The following RUNX1T1 variants were observed in gnomAD, a reference collection of about 807,000 sequenced individuals.
RUNX1T1 encodes the protein RUNX1 partner transcriptional co-repressor 1, also known as protein CBFA2T1.
Under a neutral mutation model 62.8 loss-of-function variants are expected in RUNX1T1, and 4 were observed. The ratio of observed to expected loss-of-function variants is 0.06; its 90% CI spans 0.03 to 0.15. The LOEUF (loss-of-function observed/expected upper bound fraction) is 0.15, where lower values mean the gene tolerates loss of function less well. Ranked by LOEUF, RUNX1T1 falls within the 10% of genes least tolerant of loss-of-function variation. RUNX1T1 has a pLI of 1.00. For missense variants in RUNX1T1, 508 were observed against 754.3 expected, an observed-to-expected ratio of 0.67 and a Z score of 3.82; for synonymous variants, 291 against 286.0, an observed-to-expected ratio of 1.02 and a Z score of -0.18.
intron 10 of RUNX1T1, among the ~76,000 whole-genome samples, chr8:91,965,022 T>C (rs73696982): frequency 2.6e-3 from 392 of 152,316 alleles, no homozygotes; most frequent in African/African-American, 8.9e-3. Flanking sequence ...ATGATGTTCA[T>C]AGGTCCTGAA....
chr8:92,066,254 C>T (rs1832857818), upstream of RUNX1T1, among the ~76,000 whole-genome samples: 1 of 152,220 alleles, frequency 6.6e-6, no homozygotes, highest in Non-Finnish European at 1.5e-5. Flanking sequence ...GACCCTTCCA[C>T]AAAGTGGCAC....
At chr8:91,961,366 G>C (rs951496291) in intron 10 of RUNX1T1, among the ~76,000 whole-genome samples, 3 of 152,220 alleles carry the variant, frequency 2.0e-5, no homozygotes, top group Non-Finnish European at 4.4e-5. Flanking sequence ...GAGCTGCTCT[G>C]CTGCTCCTGT....
chr8:92,062,504 T>C, intron 1 of RUNX1T1: 1 of 1,602,594 alleles, frequency 6.2e-7, no homozygotes, highest in Non-Finnish European at 8.6e-7. Flanking sequence ...TAAGCTTTCT[T>C]CATTGGAAAA....
downstream of RUNX1T1, chr8:91,955,591 G>A: frequency 4.4e-6 from 1 of 226,244 alleles, no homozygotes; most frequent in Non-Finnish European, 8.8e-6. Context: ...GAACCCAGCT[G>A]GCACAAGAAG....
intron 9 of RUNX1T1, among the ~76,000 whole-genome samples, chr8:91,972,203 T>C (rs1812989884): frequency 6.6e-6 from 1 of 152,146 alleles, no homozygotes; most frequent in African/African-American, 2.4e-5. Context: ...GTACTCCTAT[T>C]GTTTCTTCAA....
At chr8:92,071,000 A>G (rs1490061838) in intron 2 of RUNX1T1, among the ~76,000 whole-genome samples, 2 of 152,168 alleles carry the variant, frequency 1.3e-5, no homozygotes, top group African/African-American at 4.8e-5. Flanking sequence ...GTAAGATAAA[A>G]TCCTCTTATA....
chr8:91,994,858 G>A (rs1818372837), intron 5 of RUNX1T1, among the ~76,000 whole-genome samples: 1 of 152,194 alleles, frequency 6.6e-6, no homozygotes, highest in Admixed American at 6.5e-5. Flanking sequence ...TGGACTAGAT[G>A]ATTTCTGCAG....
downstream of RUNX1T1, chr8:91,958,406 T>C: frequency 5.1e-6 from 1 of 196,796 alleles, no homozygotes; most frequent in Non-Finnish European, 1.1e-5. Context: ...TTTTGGTCCA[T>C]CAGATCAGTC....
chr8:92,034,797 TACACACACACACAC>T (rs200718439), intron 1 of RUNX1T1, among the ~76,000 whole-genome samples: 5 of 96,850 alleles, frequency 5.2e-5, no homozygotes, highest in Admixed American at 4.0e-4. Flanking sequence ...TATACATATA[TACACACACACACAC>T]ACACACACAC....
intron 1 of RUNX1T1, among the ~76,000 whole-genome samples, chr8:92,041,635 G>A (rs563236575): frequency 2.0e-5 from 3 of 152,086 alleles, no homozygotes; most frequent in African/African-American, 4.8e-5. Flanking sequence ...CCAGCTACTC[G>A]GGAGACTGAG....
intron 1 of RUNX1T1, among the ~76,000 whole-genome samples, chr8:92,037,563 C>T (rs1319081719): frequency 2.6e-5 from 4 of 152,122 alleles, no homozygotes; most frequent in African/African-American, 9.7e-5. Flanking sequence ...TCTGTAGTCC[C>T]AGCTACTCAG....
Position 92,076,148 on chromosome 8 carries a change from C to T in RUNX1T1, c.-85-11G>A, listed in dbSNP as rs1834383237. ...AGAGATCAATCTTTTCTATTGACAA[C>T]AACAAAGGGAAAAAAAATGCATATA... is the stretch of plus-strand genomic sequence containing the variant. On this transcript the variant is annotated splice_polypyrimidine_tract_variant and intron_variant, in intron 1 of 11. Coordinates refer to the RUNX1T1 transcript ENST00000265814. 6.7e-7 allele frequency: 1 copy of T among 1,501,552 alleles called. No individual in the cohort carries two copies. The highest frequency in any genetic ancestry group is 8.8e-7 in the Non-Finnish European group (1 of 1,133,662). 93.0% of individuals were successfully genotyped at this position (1,501,552 alleles called of 1,614,324 possible).
rs1452217694 is a variant in RUNX1T1, at chr8:91,991,617, T to C, written c.910+22A>G. ...TTCAAGCACCCAATCCCGTAAGAAG[T>C]GAACAGGTCCTTCAGTCTTACCCAT... On this transcript the variant is annotated intron_variant, in intron 6 of 10. Coordinates refer to ENST00000396218, the Ensembl canonical transcript of RUNX1T1. 1.9e-5 allele frequency: 31 copies of C among 1,602,742 alleles called. No homozygotes were observed. In the South Asian group the frequency reaches 2.9e-4, roughly 15 times the overall value.
At chr8:91,963,403 G>C (rs530249589) in intron 10 of RUNX1T1, among the ~76,000 whole-genome samples, 6 of 152,274 alleles carry the variant, frequency 3.9e-5, no homozygotes, top group Admixed American at 3.9e-4. Context: ...TGAATGTGTA[G>C]GGAACTTTAG....
At chr8:92,018,157 A>G (rs1341120834) in intron 1 of RUNX1T1, among the ~76,000 whole-genome samples, 1 of 152,220 alleles carries the variant, frequency 6.6e-6, no homozygotes, top group Admixed American at 6.5e-5. Context: ...TTACCCAATA[A>G]TGGACATTCA....
In RUNX1T1 at chr8:91,970,855, G is replaced by C; in HGVS notation, c.1268-7C>G. On this transcript the variant is annotated splice_polypyrimidine_tract_variant and splice_region_variant and intron_variant, in intron 9 of 10. Coordinates refer to ENST00000396218, the Ensembl canonical transcript of RUNX1T1. ...ACCTCATTGACGGCCTCCTCTGTGTGCCAGTCAGGCCAAACCAGACAAGAA... is the reference window on the plus strand; with the variant it reads ...ACCTCATTGACGGCCTCCTCTGTGTCCCAGTCAGGCCAAACCAGACAAGAA... 6.3e-7 allele frequency: 1 copy of C among 1,598,522 alleles called. No homozygotes were observed. The highest frequency in any genetic ancestry group is 8.5e-7 in the Non-Finnish European group (1 of 1,174,272).
At position 92,051,602 on chromosome 8, in the gene RUNX1T1, ACTCT is replaced by A. The variant is rs34298111; in HGVS notation, c.7+10940_7+10943del. ...CTCTCTCTCTCACACACACACACAC[ACTCT>A]CTCTCTCTCTCTCTCTCACTCTCTC... On this transcript the variant is annotated intron_variant, in intron 1 of 10. Transcript: ENST00000396218. Among the ~76,000 whole-genome samples the A allele has an allele frequency of 2.5e-3, 355 of 140,880 alleles. 1 individual carries two copies. Among genetic ancestry groups the A allele is most frequent in the African/African-American group, 7.6e-3 (279 of 36,644 alleles). The allele number at this position is 140,880 out of a possible 152,430, so 92.4% of individuals were successfully genotyped here. A position where few individuals can be genotyped will look rare whatever the true frequency, so the allele number is the denominator to read the frequency against.
At chr8:92,009,184 A>AT in intron 4 of RUNX1T1, among the ~76,000 whole-genome samples, 1 of 152,300 alleles carries the variant, frequency 6.6e-6, no homozygotes, top group Non-Finnish European at 1.5e-5. Context: ...ATACAAAGCA[A>AT]TTTTGTTTGC....
intron 5 of RUNX1T1, among the ~76,000 whole-genome samples, chr8:91,994,969 C>A (rs1190796735): frequency 6.6e-6 from 1 of 152,192 alleles, no homozygotes; most frequent in Non-Finnish European, 1.5e-5. Context: ...AGTCCTCTGG[C>A]CAAACCATAA....
Sources: gnomAD v4.1 joint callset for allele counts (sites outside exome capture counted in the v4.1 genomes callset) on GRCh38, gnomAD v4.1.1 for gene constraint, MANE v1.5 for transcripts, NCBI Gene and HGNC (gene_info 2026-07-23, HGNC 2026-07-21) for gene names.